Variants in HECW2 observed in about 807,000 individuals in gnomAD.
HECW2 encodes E3 ubiquitin-protein ligase HECW2.
Under a neutral mutation model 175.2 loss-of-function variants are expected in HECW2, and 61 were observed. That is an observed-to-expected ratio of 0.35 (90% CI 0.28 to 0.43). The LOEUF is 0.43. Among genes scored for constraint, HECW2 ranks in the 20% least tolerant of loss-of-function variants. The probability of loss-of-function intolerance (pLI) is 1.00; values close to 1 mark genes in which losing one functional copy is unlikely to be tolerated. For synonymous variants in HECW2, 671 were observed against 731.0 expected, an observed-to-expected ratio of 0.92 and a Z score of 1.32; for missense variants, 1,524 against 2,000.5, an observed-to-expected ratio of 0.76 and a Z score of 4.54.
chr2:196,582,588 T>C (rs746562244), intron 1 of HECW2, among the ~76,000 whole-genome samples: 4 of 152,188 alleles, frequency 2.6e-5, no homozygotes, highest in Non-Finnish European at 4.4e-5. Flanking sequence ...TTCTTTTACG[T>C]CTTTTTATTT....
intron 2 of HECW2, among the ~76,000 whole-genome samples, chr2:196,344,431 C>A (rs1692879419): frequency 6.6e-6 from 1 of 150,404 alleles, no homozygotes; most frequent in Non-Finnish European, 1.5e-5. Context: ...TCCAAGCTTT[C>A]TGACCTCATG....
chr2:196,319,019 C>T lies in HECW2; in HGVS notation c.1871G>A (p.Ser624Asn). The T allele has an allele frequency of 5.6e-6, 9 of 1,613,992 alleles. No homozygotes were observed. The highest frequency in any genetic ancestry group is 7.6e-6 in the Non-Finnish European group (9 of 1,179,970). ...TEPSDPARTESVSEASTRPEG... is the reference protein window; with the variant it reads ...TEPSDPARTENVSEASTRPEG... ...AGGCCTGGTGCTGGCTTCGCTCACACTCTCTGTCCTGGCAGGATCACTGGG... is the reference window on the plus strand; with the variant it reads ...AGGCCTGGTGCTGGCTTCGCTCACATTCTCTGTCCTGGCAGGATCACTGGG... The change falls in exon 9 of 29, where the codon AGT (serine) becomes AAT (asparagine). Residue 624 changes from serine (S) to asparagine (N), a missense_variant. Physicochemically the swap from Ser to Asn is conservative, Grantham distance 46. Transcript: ENST00000644978.
At chr2:196,438,786 G>A (rs1302487172) in intron 1 of HECW2, among the ~76,000 whole-genome samples, 1 of 152,146 alleles carries the variant, frequency 6.6e-6, no homozygotes, top group African/African-American at 2.4e-5. Context: ...GGGGTGGAGG[G>A]TTTTCTGGGG....
intron 4 of HECW2, 73 bp downstream of exon 4, chr2:196,334,351 G>A: frequency 9.0e-7 from 1 of 1,105,956 alleles, no homozygotes; most frequent in Non-Finnish European, 1.3e-6. Context: ...CCCTGTCAGG[G>A]CCGCACAGGT....
At chr2:196,290,253 C>T (rs754576848) in intron 14 of HECW2, 6 of 152,186 alleles carry the variant, frequency 3.9e-5, no homozygotes, top group African/African-American at 1.4e-4. Context: ...ATGTTATGAA[C>T]ATGGTTGAGA....
intron 2 of HECW2, among the ~76,000 whole-genome samples, chr2:196,368,057 T>G (rs1457172899): frequency 6.6e-6 from 1 of 152,190 alleles, no homozygotes; most frequent in East Asian, 1.9e-4. Context: ...TTTCAAATCT[T>G]GGCTATTGTG....
chr2:196,437,720 C>T (rs931171109), intron 1 of HECW2, among the ~76,000 whole-genome samples: 3 of 151,948 alleles, frequency 2.0e-5, no homozygotes, highest in African/African-American at 7.3e-5. Flanking sequence ...TGAGGTTAGG[C>T]CCATCCAGCG....
intron 1 of HECW2, among the ~76,000 whole-genome samples, chr2:196,480,273 C>T (rs1398533752): frequency 6.6e-6 from 1 of 152,222 alleles, no homozygotes; most frequent in Non-Finnish European, 1.5e-5. Context: ...ATCTGCCCTT[C>T]CACACACAGT....
chr2:196,438,024 C>T (rs548452057), intron 1 of HECW2, among the ~76,000 whole-genome samples: 8 of 152,074 alleles, frequency 5.3e-5, no homozygotes, highest in African/African-American at 9.7e-5. Flanking sequence ...TTTGCTTTCA[C>T]GTTTTGTTTT....
Position 196,258,080 on chromosome 2 carries a change from A to AG in HECW2, c.3336-175dup, listed in dbSNP as rs34136527. The AG allele has an allele frequency of 7.5e-3, 4,183 of 556,152 alleles. 80 individuals carry two copies. The highest frequency in any genetic ancestry group is 0.047 in the African/African-American group (2,506 of 52,796). The allele number at this position is 556,152 out of a possible 1,614,324, so 34.5% of individuals were successfully genotyped here. A position where few individuals can be genotyped will look rare whatever the true frequency, so the allele number is the denominator to read the frequency against. ...AAGAGAGACATGGTCTTTGCCTTCAAGGGGGGGGATCTTGTAAGCATCAAC... is the reference window on the plus strand; with the variant it reads ...AAGAGAGACATGGTCTTTGCCTTCAAGGGGGGGGGATCTTGTAAGCATCAAC... On this transcript the variant is annotated intron_variant, in intron 17 of 28. Coordinates refer to ENST00000644978, the MANE Select transcript of HECW2 (RefSeq NM_001348768.2).
At chr2:196,291,045 T>G (rs1690584356) in intron 14 of HECW2, 1 of 152,154 alleles carries the variant, frequency 6.6e-6, no homozygotes, top group South Asian at 2.1e-4. Context: ...ATACATGCAT[T>G]TTGTAACAAC....
At chr2:196,314,877 TA>T (rs1691630735) in intron 10 of HECW2, among the ~76,000 whole-genome samples, 1 of 152,048 alleles carries the variant, frequency 6.6e-6, no homozygotes, top group Non-Finnish European at 1.5e-5. Flanking sequence ...CCACAGAGTG[TA>T]GATGCCACAG....
chr2:196,408,141 C>G (rs1014984116), intron 2 of HECW2, among the ~76,000 whole-genome samples: 1 of 152,198 alleles, frequency 6.6e-6, no homozygotes, highest in South Asian at 2.1e-4. Flanking sequence ...TTCCCCCTTC[C>G]TGATATGATC....
intron 8 of HECW2, 43 bp from the exon 9 acceptor site, chr2:196,319,947 A>G (rs1691878640): frequency 7.2e-6 from 11 of 1,525,260 alleles, no homozygotes; most frequent in East Asian, 2.3e-5. Flanking sequence ...ACCAGAAATA[A>G]TAAGTGAACG....
chr2:196,506,744 AAATT>A (rs1471947290), intron 1 of HECW2, among the ~76,000 whole-genome samples: 1 of 152,072 alleles, frequency 6.6e-6, no homozygotes, highest in Non-Finnish European at 1.5e-5. Flanking sequence ...CCCCTTGTCA[AAATT>A]AATTAAAACA....
At chr2:196,329,048 G>GGA (rs1692259480) in intron 5 of HECW2, among the ~76,000 whole-genome samples, 1 of 151,626 alleles carries the variant, frequency 6.6e-6, no homozygotes. Context: ...CTTACAAACT[G>GGA]GAAATGAGTC....
At chr2:196,258,789 T>C (rs571705788) in intron 17 of HECW2, among the ~76,000 whole-genome samples, 1 of 152,370 alleles carries the variant, frequency 6.6e-6, no homozygotes, top group Non-Finnish European at 1.5e-5. Flanking sequence ...AATCATTCTA[T>C]TTCATTGGAA....
rs116085791 is a variant in HECW2, at chr2:196,377,353, G to A, written c.293-33589C>T. On this transcript the variant is annotated intron_variant, in intron 2 of 28. Coordinates refer to ENST00000644978, the MANE Select transcript of HECW2 (RefSeq NM_001348768.2). Reference sequence around the variant, plus strand: ...ATGCAGTGTATTAGTCTGTTCTCACGCTGCTCATAAAGACATACCCGAAAC... The same window carrying A: ...ATGCAGTGTATTAGTCTGTTCTCACACTGCTCATAAAGACATACCCGAAAC... Among the ~76,000 whole-genome samples, 341 of 152,172 alleles carry A rather than the reference G, an allele frequency of 2.2e-3. 3 individuals carry two copies. Among genetic ancestry groups the A allele is most frequent in the African/African-American group, 7.6e-3 (316 of 41,498 alleles).
intron 2 of HECW2, among the ~76,000 whole-genome samples, chr2:196,364,021 C>T (rs1693676110): frequency 6.6e-6 from 1 of 152,010 alleles, no homozygotes; most frequent in African/African-American, 2.4e-5. Flanking sequence ...AGTTATGGAC[C>T]AATAGACTCT....
Sources: gnomAD v4.1 joint callset for allele counts (sites outside exome capture counted in the v4.1 genomes callset) on GRCh38, gnomAD v4.1.1 for gene constraint, MANE v1.5 for transcripts, NCBI Gene and HGNC (gene_info 2026-07-23, HGNC 2026-07-21) for gene names.